Variants in MEP1A observed in about 807,000 individuals in gnomAD.
MEP1A encodes meprin A subunit alpha.
Under a neutral mutation model 84.5 loss-of-function variants are expected in MEP1A, and 68 were observed. The observed-to-expected ratio is 0.80, with a 90% CI of 0.66 to 0.98. The LOEUF (loss-of-function observed/expected upper bound fraction) is 0.98. Among genes scored for constraint, MEP1A ranks in the 50% least tolerant of loss-of-function variants. MEP1A has a pLI of 0.00. For missense variants in MEP1A, 887 were observed against 919.9 expected (o/e 0.96, Z 0.46); for synonymous variants, 337 against 336.8 (o/e 1.00, Z -0.01).
intron 7 of MEP1A, among the ~76,000 whole-genome samples, chr6:46,823,865 C>T (rs568605194): frequency 2.0e-5 from 3 of 152,314 alleles, no homozygotes; most frequent in Admixed American, 6.5e-5. Context: ...CATTGCAGCA[C>T]ATCTTATCTC....
intron 3 of MEP1A, among the ~76,000 whole-genome samples, chr6:46,796,055 C>T (rs1767044907): frequency 6.6e-6 from 1 of 152,146 alleles, no homozygotes; most frequent in South Asian, 2.1e-4. Flanking sequence ...AGCTTTCCAG[C>T]CACCCTGACT....
chr6:46,841,657 G>A (rs1228485116), downstream of MEP1A, among the ~76,000 whole-genome samples: 1 of 152,110 alleles, frequency 6.6e-6, no homozygotes, highest in Non-Finnish European at 1.5e-5. Flanking sequence ...ATTTGAGAAT[G>A]TCTCATGCTT....
chr6:46,823,898 T>C (rs184520823), intron 7 of MEP1A, among the ~76,000 whole-genome samples: 28 of 152,308 alleles, frequency 1.8e-4, no homozygotes, highest in African/African-American at 5.5e-4. Context: ...CTCAGAAAAA[T>C]ATTTACCTTT....
At chr6:46,812,016 C>G (rs1372279765) in intron 6 of MEP1A, among the ~76,000 whole-genome samples, 2 of 152,038 alleles carry the variant, frequency 1.3e-5, no homozygotes, top group African/African-American at 2.4e-5. Context: ...CCCTCTTTCT[C>G]TATCTTTTGG....
At chr6:46,842,883 T>C (rs1768358567), downstream of MEP1A, among the ~76,000 whole-genome samples, 1 of 152,162 alleles carries the variant, frequency 6.6e-6, no homozygotes, top group Non-Finnish European at 1.5e-5. Flanking sequence ...AGCCAACACT[T>C]AGGGAAAATA....
chr6:46,834,272 A>G (rs949718095), intron 11 of MEP1A, among the ~76,000 whole-genome samples: 1 of 151,976 alleles, frequency 6.6e-6, no homozygotes, highest in African/African-American at 2.4e-5. Flanking sequence ...AGAAGAAAGA[A>G]GCCGTAGCTG....
At chr6:46,805,287 C>T (rs930755908) in intron 5 of MEP1A, among the ~76,000 whole-genome samples, 16 of 151,938 alleles carry the variant, frequency 1.1e-4, no homozygotes, top group South Asian at 2.1e-4. Context: ...ACGTGAGTTT[C>T]GTTTACTCCA....
intron 7 of MEP1A, among the ~76,000 whole-genome samples, chr6:46,825,015 A>ATATATTTAAATAGATCTATTTAAATATAT (rs1562113957): frequency 1.2e-5 from 1 of 85,994 alleles, no homozygotes; most frequent in African/African-American, 3.5e-5. Context: ...AGTATATATA[A>ATATATTTAAATAGATCTATTTAAATATAT]ATTATATATT....
At chr6:46,825,598 A>G (rs1316218857) in intron 8 of MEP1A, 105 bp downstream of exon 8, 2 of 781,208 alleles carry the variant, frequency 2.6e-6, no homozygotes. Context: ...TTAATGTACT[A>G]GCTAAAAGAA....
chr6:46,831,034 C>G (rs1768063448), intron 10 of MEP1A, among the ~76,000 whole-genome samples: 1 of 152,156 alleles, frequency 6.6e-6, no homozygotes, highest in African/African-American at 2.4e-5. Flanking sequence ...ACATCCTATG[C>G]TTAATTTAGT....
At chr6:46,840,543 A>G (rs1463362602), downstream of MEP1A, among the ~76,000 whole-genome samples, 1 of 152,208 alleles carries the variant, frequency 6.6e-6, no homozygotes, top group Non-Finnish European at 1.5e-5. Flanking sequence ...TAGTGGATAG[A>G]AAACAGGTCT....
In MEP1A at chr6:46,833,303, A is replaced by G; in HGVS notation, c.1374A>G (p.Arg458=). The part of the protein sequence containing the change: ...TSKGDKLQSP[R]FYNSEGYGFG... ...AAGGGGACAAGCTTCAGAGCCCTCG[A>G]TTCTACAATTCGGAGGGATATGGTT... The change falls in exon 11 of 14, where the codon CGA becomes CGG. Residue 458 remains arginine (R), a synonymous_variant. Transcript: ENST00000230588. The G allele has an allele frequency of 6.2e-7, 1 of 1,614,228 alleles. No individual in the cohort carries two copies. Among genetic ancestry groups the G allele is most frequent in the Non-Finnish European group, 8.5e-7 (1 of 1,180,022 alleles).
intron 7 of MEP1A, 23 bp downstream of exon 7, chr6:46,819,727 A>C: frequency 6.2e-7 from 1 of 1,605,876 alleles, no homozygotes; most frequent in Non-Finnish European, 8.5e-7. Context: ...GGAGATTGCT[A>C]TCACATTTAT....
At chr6:46,809,037 C>T (rs1767428089) in intron 5 of MEP1A, among the ~76,000 whole-genome samples, 1 of 152,056 alleles carries the variant, frequency 6.6e-6, no homozygotes, top group African/African-American at 2.4e-5. Context: ...CAAGCCACTT[C>T]TGTTTTCTGT....
chr6:46,812,507 G>C (rs1358711630), intron 6 of MEP1A, among the ~76,000 whole-genome samples: 1 of 151,784 alleles, frequency 6.6e-6, no homozygotes, highest in Non-Finnish European at 1.5e-5. Flanking sequence ...TTCTTATGCT[G>C]GGTTTGGATT....
At chr6:46,843,656 G>A (rs1326659718), downstream of MEP1A, among the ~76,000 whole-genome samples, 1 of 152,068 alleles carries the variant, frequency 6.6e-6, no homozygotes, top group African/African-American at 2.4e-5. Flanking sequence ...CCTCCCCCAG[G>A]GTGTGGATTT....
At chr6:46,832,271 T>C (rs934272346) in intron 10 of MEP1A, among the ~76,000 whole-genome samples, 1 of 152,158 alleles carries the variant, frequency 6.6e-6, no homozygotes, top group African/African-American at 2.4e-5. Context: ...CTTTGCGGAA[T>C]TGAGTTGCTT....
intron 7 of MEP1A, among the ~76,000 whole-genome samples, chr6:46,824,783 A>ATATAAAT (rs1455992546): frequency 0.027 from 2,379 of 87,950 alleles, 119 homozygotes; most frequent in Admixed American, 0.037. Context: ...GTATTTAAAT[A>ATATAAAT]GATGTATTTA....
chr6:46,822,002 C>T (rs1490593350), intron 7 of MEP1A, among the ~76,000 whole-genome samples: 1 of 152,174 alleles, frequency 6.6e-6, no homozygotes, highest in African/African-American at 2.4e-5. Context: ...TAAGAAGACA[C>T]TGTACTGGCA....
Sources: gnomAD v4.1 joint callset for allele counts (sites outside exome capture counted in the v4.1 genomes callset) on GRCh38, gnomAD v4.1.1 for gene constraint, MANE v1.5 for transcripts, NCBI Gene and HGNC (gene_info 2026-07-23, HGNC 2026-07-21) for gene names.